ATRN: variants seen among roughly 807,000 people sequenced by gnomAD.
ATRN encodes attractin.
ATRN carries 54 observed loss-of-function variants against 178.7 expected under a neutral mutation model. That is an observed-to-expected ratio of 0.30 (90% confidence interval 0.24 to 0.38). ATRN has a LOEUF of 0.38. Among genes scored for constraint, ATRN ranks in the 10% least tolerant of loss-of-function variants. The pLI is 1.00. For missense variants in ATRN, 1,443 were observed against 1,815.1 expected (o/e 0.79, Z 3.73); for synonymous variants, 636 against 663.0 (o/e 0.96, Z 0.63).
intron 3 of ATRN, among the ~76,000 whole-genome samples, chr20:3,545,299 G>T (rs188184297): frequency 1.3e-5 from 2 of 149,754 alleles, no homozygotes; most frequent in African/African-American, 4.9e-5. Context: ...ACCCCGGGAC[G>T]CAGAGATTGT....
At chr20:3,597,074 A>ATATATATATATATATAT (rs1555822793) in intron 21 of ATRN, among the ~76,000 whole-genome samples, 4 of 146,962 alleles carry the variant, frequency 2.7e-5, no homozygotes, top group East Asian at 2.0e-4. Flanking sequence ...ATATATATAT[A>ATATATATATATATATAT]AAACTTCTAA....
At chr20:3,586,588 T>C (rs1314007534) in intron 18 of ATRN, among the ~76,000 whole-genome samples, 1 of 151,708 alleles carries the variant, frequency 6.6e-6, no homozygotes, top group African/African-American at 2.4e-5. Flanking sequence ...TGTTTAGTGG[T>C]TTCCTAGGGC....
At chr20:3,535,588 TACACACACAC>T (rs11468707) in intron 2 of ATRN, among the ~76,000 whole-genome samples, 1,779 of 143,204 alleles carry the variant, frequency 0.012, 35 homozygotes, top group African/African-American at 0.042. Flanking sequence ...CAGAAACGGT[TACACACACAC>T]ACACACACAC....
intron 6 of ATRN, among the ~76,000 whole-genome samples, chr20:3,552,967 G>A (rs908660675): frequency 3.9e-5 from 6 of 151,964 alleles, no homozygotes; most frequent in Admixed American, 2.0e-4. Flanking sequence ...TATCATCTTC[G>A]CCATATTCTG....
Position 3,492,953 on chromosome 20 carries a change from A to G in ATRN, c.410+21436A>G, listed in dbSNP as rs541590066. Among the ~76,000 whole-genome samples, 350 of 146,758 alleles carry G rather than the reference A, an allele frequency of 2.4e-3. 4 individuals are homozygous for G. Among genetic ancestry groups the G allele is most frequent in the African/African-American group, 8.4e-3 (340 of 40,286 alleles). ...GGGTATATATTATTTATTTATGTAT[A>G]TATAATATAATATACTATATAGATA... On this transcript the variant is annotated intron_variant, in intron 1 of 28. Transcript: ENST00000262919.
chr20:3,552,328 C>T (rs1600100077), intron 6 of ATRN, among the ~76,000 whole-genome samples: 2 of 152,106 alleles, frequency 1.3e-5, no homozygotes, highest in African/African-American at 4.8e-5. Context: ...CCCCTATCTC[C>T]AGCTCTTTAA....
chr20:3,550,857 A>G (rs1350781423), intron 6 of ATRN, among the ~76,000 whole-genome samples: 2 of 152,148 alleles, frequency 1.3e-5, no homozygotes, highest in Non-Finnish European at 2.9e-5. Context: ...AGGAAGCCCC[A>G]GAGTTGTTCA....
intron 1 of ATRN, among the ~76,000 whole-genome samples, chr20:3,472,677 A>G (rs895352542): frequency 2.0e-5 from 3 of 152,240 alleles, no homozygotes; most frequent in East Asian, 1.9e-4. Context: ...TGAGACCTGA[A>G]TGAGGCAACA....
Position 3,576,944 on chromosome 20 carries a change from T to C in ATRN, c.2300T>C (p.Leu767Pro). 1 of 1,614,154 alleles carries C rather than the reference T, an allele frequency of 6.2e-7. No individual in the cohort carries two copies. Among genetic ancestry groups the C allele is most frequent in the South Asian group, 1.1e-5 (1 of 91,078 alleles). The change falls in exon 14 of 29, where the codon CTG becomes CCG. Residue 767 changes from leucine (L) to proline (P), a missense_variant. Coordinates refer to ENST00000262919, the MANE Select transcript of ATRN (RefSeq NM_139321.3). ...NKKTSCRSCA[L>P]DQNCQWEPRN... ...AAGACCAGCTGCAGGAGCTGTGCCCTGGACCAGAACTGCCAGTGGGAGCCC... is the reference window on the plus strand; with the variant it reads ...AAGACCAGCTGCAGGAGCTGTGCCCCGGACCAGAACTGCCAGTGGGAGCCC...
chr20:3,547,055 C>G (rs540694153), intron 4 of ATRN, among the ~76,000 whole-genome samples: 4 of 152,254 alleles, frequency 2.6e-5, no homozygotes, highest in Non-Finnish European at 5.9e-5. Context: ...TTATTCTTAT[C>G]CTCTTATTAT....
At chr20:3,585,463 C>G (rs2086344794) in intron 18 of ATRN, among the ~76,000 whole-genome samples, 2 of 152,140 alleles carry the variant, frequency 1.3e-5, no homozygotes, top group Admixed American at 6.5e-5. Flanking sequence ...GGAAATAGAA[C>G]AGGAAAATGT....
At chr20:3,480,145 C>A (rs988167092) in intron 1 of ATRN, among the ~76,000 whole-genome samples, 2 of 152,144 alleles carry the variant, frequency 1.3e-5, no homozygotes, top group Non-Finnish European at 2.9e-5. Context: ...TTTGTCCCTT[C>A]CCAACAATCT....
intron 11 of ATRN, among the ~76,000 whole-genome samples, chr20:3,568,992 G>A (rs1025991577): frequency 7.9e-5 from 12 of 152,236 alleles, no homozygotes; most frequent in Admixed American, 7.9e-4. Flanking sequence ...AACAAGAAGG[G>A]AGAGCATCTC....
At chr20:3,614,662 C>T (rs73893047) in intron 24 of ATRN, among the ~76,000 whole-genome samples, 5 of 152,178 alleles carry the variant, frequency 3.3e-5, no homozygotes, top group Non-Finnish European at 5.9e-5. Flanking sequence ...ACATACCATA[C>T]AGTTCGCTCA....
At chr20:3,604,436 G>A (rs1453470437) in intron 24 of ATRN, among the ~76,000 whole-genome samples, 174 bp downstream of exon 24, 1 of 152,220 alleles carries the variant, frequency 6.6e-6, no homozygotes, top group African/African-American at 2.4e-5. Context: ...GATTGGAGTG[G>A]GGATGGACTG....
At chr20:3,501,289 G>A (rs540383086) in intron 1 of ATRN, among the ~76,000 whole-genome samples, 3 of 152,146 alleles carry the variant, frequency 2.0e-5, no homozygotes, top group Non-Finnish European at 2.9e-5. Context: ...TGAACTCATG[G>A]TATTTTTTCT....
chr20:3,616,688 C>T (rs545752015), intron 24 of ATRN, among the ~76,000 whole-genome samples: 18 of 152,066 alleles, frequency 1.2e-4, no homozygotes, highest in Non-Finnish European at 2.5e-4. Flanking sequence ...TGTTTTAGGC[C>T]GAAAAGTCAC....
chr20:3,574,444 C>T (rs1461800490), intron 12 of ATRN, among the ~76,000 whole-genome samples: 1 of 152,124 alleles, frequency 6.6e-6, no homozygotes, highest in Non-Finnish European at 1.5e-5. Flanking sequence ...GAGCCCAGGA[C>T]GTTGAGGCTG....
intron 24 of ATRN, among the ~76,000 whole-genome samples, chr20:3,619,143 C>T (rs1474720385): frequency 2.0e-5 from 3 of 152,216 alleles, no homozygotes; most frequent in African/African-American, 7.2e-5. Context: ...CAGGTGCTGC[C>T]TTGAAGCGGA....
Sources: gnomAD v4.1 joint callset for allele counts (sites outside exome capture counted in the v4.1 genomes callset) on GRCh38, gnomAD v4.1.1 for gene constraint, MANE v1.5 for transcripts, NCBI Gene and HGNC (gene_info 2026-07-23, HGNC 2026-07-21) for gene names.